CACUL1: variants seen among roughly 807,000 people sequenced by gnomAD.
CACUL1 encodes CDK2 associated cullin domain 1.
A neutral mutation model predicts 45.2 loss-of-function variants in CACUL1; 13 were observed. The observed-to-expected ratio is 0.29, with a 90% CI of 0.19 to 0.46. The LOEUF is 0.46. CACUL1 is among the 20% of genes least tolerant of loss of function. The pLI, the probability that CACUL1 is intolerant of heterozygous loss-of-function variation, is 1.00. For synonymous variants in CACUL1, 197 were observed against 174.2 expected (o/e 1.13, Z -1.03); for missense variants, 421 against 471.4 (o/e 0.89, Z 0.99).
intron 4 of CACUL1, among the ~76,000 whole-genome samples, chr10:118,703,941 T>G (rs1242707622): frequency 6.6e-6 from 1 of 151,994 alleles, no homozygotes; most frequent in Non-Finnish European, 1.5e-5. Flanking sequence ...AGCAAACTTT[T>G]GTCTTATATT....
chr10:118,715,044 T>C (rs914122320), intron 3 of CACUL1, among the ~76,000 whole-genome samples: 5 of 152,248 alleles, frequency 3.3e-5, no homozygotes, highest in African/African-American at 7.2e-5. Flanking sequence ...TGTTACCAGA[T>C]TGTTGCACTG....
intron 1 of CACUL1, among the ~76,000 whole-genome samples, chr10:118,738,722 C>T (rs1375462423): frequency 1.3e-5 from 2 of 151,618 alleles, no homozygotes; most frequent in Admixed American, 1.3e-4. Context: ...TAAGAATCAC[C>T]AAAGATTTGT....
chr10:118,748,783 G>A (rs556068056), intron 1 of CACUL1, among the ~76,000 whole-genome samples: 1 of 152,244 alleles, frequency 6.6e-6, no homozygotes, highest in African/African-American at 2.4e-5. Flanking sequence ...AACAGTAATA[G>A]GCTACCTTTT....
At chr10:118,691,062 G>A (rs1389264202) in intron 7 of CACUL1, among the ~76,000 whole-genome samples, 5 of 152,004 alleles carry the variant, frequency 3.3e-5, no homozygotes, top group Non-Finnish European at 5.9e-5. Flanking sequence ...AAAACAAAAC[G>A]TACGTAATGA....
At chr10:118,694,116 G>A (rs572167121) in intron 6 of CACUL1, among the ~76,000 whole-genome samples, 179 of 152,186 alleles carry the variant, frequency 1.2e-3, no homozygotes, top group African/African-American at 4.0e-3. Flanking sequence ...TGCCCGCCTC[G>A]GCCTCCCAAA....
rs933648613 is a variant in CACUL1 at position 118,730,533 on chromosome 10, C to G, written c.368-123G>C. The G allele has an allele frequency of 7.3e-5, 66 of 903,516 alleles. No homozygotes were observed. The African/African-American group carries it at 8.4e-4, about 11-fold the overall frequency. 56.0% of individuals were successfully genotyped at this position (903,516 alleles called of 1,614,324 possible). A position where few individuals can be genotyped will look rare whatever the true frequency, so the allele number is the denominator to read the frequency against. ...TTCTGATTTTACACTGACACTCTATCACCTAACTATCCTATTTCAATTAAA... is the reference window on the plus strand; with the variant it reads ...TTCTGATTTTACACTGACACTCTATGACCTAACTATCCTATTTCAATTAAA... On this transcript the variant is annotated intron_variant, in intron 1 of 8. Coordinates refer to ENST00000369151, the MANE Select transcript of CACUL1 (RefSeq NM_153810.5).
chr10:118,698,147 G>A lies in CACUL1; in HGVS notation c.797-2917C>T, dbSNP rs190103896. The stretch of plus-strand genomic sequence containing the variant: ...CAAATTCTTCTGACAAACCTCTTTT[G>A]CTTTTTTTTTTTTTTTTGAGACGGA... On this transcript the variant is annotated intron_variant, in intron 5 of 8. Coordinates refer to ENST00000369151, the MANE Select transcript of CACUL1 (RefSeq NM_153810.5). 1.9e-3 allele frequency among the ~76,000 whole-genome samples: 273 copies of A among 146,956 alleles called. 1 individual carries two copies. Among genetic ancestry groups the A allele is most frequent in the Non-Finnish European group, 3.4e-3 (227 of 66,900 alleles).
rs376453440 is a variant in CACUL1, at chr10:118,746,151, C to CA, written c.367+8244dup. 4.4e-3 allele frequency among the ~76,000 whole-genome samples: 402 copies of CA among 91,140 alleles called. 3 individuals are homozygous for CA. Among genetic ancestry groups the CA allele is most frequent in the African/African-American group, 8.5e-3 (232 of 27,152 alleles). The allele number at this position is 91,140 out of a possible 152,430, so 59.8% of individuals were successfully genotyped here. Reference sequence around the variant, plus strand: ...TGGGCAACAGAGCGAGACACTGTCTCAAAAAAAAAAAAAAAGGAGTCTTTA... The same window carrying CA: ...TGGGCAACAGAGCGAGACACTGTCTCAAAAAAAAAAAAAAAAGGAGTCTTTA... On this transcript the variant is annotated intron_variant, in intron 1 of 8. Transcript: ENST00000369151.
chr10:118,712,903 G>T (rs1280763116), intron 3 of CACUL1, among the ~76,000 whole-genome samples: 1 of 152,210 alleles, frequency 6.6e-6, no homozygotes, highest in Non-Finnish European at 1.5e-5. Context: ...ACTCCAGTCT[G>T]TAGGACTGGC....
chr10:118,708,862 C>T (rs1397809068), intron 3 of CACUL1, among the ~76,000 whole-genome samples: 5 of 152,284 alleles, frequency 3.3e-5, no homozygotes, highest in Non-Finnish European at 7.4e-5. Flanking sequence ...TTCCTAGCCT[C>T]CGGCACCATG....
chr10:118,688,352 A>C (rs1845228571), intron 7 of CACUL1, among the ~76,000 whole-genome samples: 1 of 152,268 alleles, frequency 6.6e-6, no homozygotes, highest in Non-Finnish European at 1.5e-5. Flanking sequence ...CATTCACCAA[A>C]TATTCTGAAA....
intron 1 of CACUL1, among the ~76,000 whole-genome samples, chr10:118,735,836 T>A (rs1035289887): frequency 3.3e-5 from 5 of 152,052 alleles, no homozygotes; most frequent in African/African-American, 1.2e-4. Flanking sequence ...ATAAAATAAA[T>A]AATTAAGCCA....
chr10:118,726,546 G>A (rs930163605), intron 3 of CACUL1, among the ~76,000 whole-genome samples: 6 of 152,172 alleles, frequency 3.9e-5, no homozygotes, highest in Non-Finnish European at 5.9e-5. Flanking sequence ...TGGATCCACA[G>A]AAGAAATGCC....
chr10:118,753,069 T>A (rs1165928927), intron 1 of CACUL1, among the ~76,000 whole-genome samples: 1 of 152,230 alleles, frequency 6.6e-6, no homozygotes, highest in Non-Finnish European at 1.5e-5. Flanking sequence ...TTATGCTCTT[T>A]TTTGAACTCT....
chr10:118,705,874 C>T (rs1348678096), intron 4 of CACUL1, among the ~76,000 whole-genome samples: 1 of 152,120 alleles, frequency 6.6e-6, no homozygotes, highest in African/African-American at 2.4e-5. Flanking sequence ...ATCTTCTGGA[C>T]AATAAAAACA....
intron 1 of CACUL1, among the ~76,000 whole-genome samples, chr10:118,740,853 G>C (rs923165305): frequency 4.6e-5 from 7 of 151,038 alleles, no homozygotes; most frequent in African/African-American, 1.5e-4. Context: ...GTGAACCCGG[G>C]AGACGGAGCT....
At chr10:118,736,341 T>C (rs1845740765) in intron 1 of CACUL1, among the ~76,000 whole-genome samples, 1 of 152,180 alleles carries the variant, frequency 6.6e-6, no homozygotes, top group Non-Finnish European at 1.5e-5. Context: ...TTAAAAAGTT[T>C]ATAAAGTAAA....
intron 6 of CACUL1, 181 bp from the exon 7 acceptor site, chr10:118,691,584 C>A: frequency 1.8e-6 from 1 of 567,768 alleles, no homozygotes. Context: ...AAGAATTTTA[C>A]AGGCCGGGTG....
intron 1 of CACUL1, among the ~76,000 whole-genome samples, chr10:118,747,861 G>C (rs188126803): frequency 6.6e-6 from 1 of 152,270 alleles, no homozygotes; most frequent in East Asian, 1.9e-4. Flanking sequence ...AAGGCAGGTA[G>C]ATCACTTGGG....
Sources: allele counts gnomAD v4.1 joint callset (sites outside exome capture counted in the v4.1 genomes callset), GRCh38; gene constraint gnomAD v4.1.1; transcripts MANE v1.5; gene names NCBI Gene and HGNC (gene_info 2026-07-23, HGNC 2026-07-21).